BMPR1B: variants seen among roughly 807,000 people sequenced by gnomAD.
The protein encoded by BMPR1B is bone morphogenetic protein receptor type 1B.
Under a neutral mutation model 59.1 loss-of-function variants are expected in BMPR1B, and 12 were observed. The observed-to-expected ratio is 0.20, with a 90% CI of 0.13 to 0.33. The LOEUF (loss-of-function observed/expected upper bound fraction) is 0.33, where lower values mean the gene tolerates loss of function less well. Ranked by LOEUF, BMPR1B falls within the 10% of genes least tolerant of loss-of-function variation. BMPR1B has a pLI of 1.00. For synonymous variants in BMPR1B, 237 were observed against 207.3 expected (o/e 1.14, Z -1.23); for missense variants, 550 against 610.9 (o/e 0.90, Z 1.05).
In BMPR1B at chr4:95,131,422, C is replaced by T. The variant is rs1471363374; in HGVS notation, c.986C>T (p.Ala329Val). The part of the protein sequence containing the change: ...IFSTQGKPAI[A>V]HRDLKSKNIL... ...AGTACTCAAGGCAAACCAGCAATTG[C>T]CCATCGAGATCTGAAAAGTAAAAAC... Residue 329 changes from alanine to valine, a missense_variant, in exon 10 of 13, where the codon GCC becomes GTC. Physicochemically the swap from Ala to Val is moderately conservative, Grantham distance 64. Transcript: ENST00000515059. 1 of 1,614,026 alleles carries T rather than the reference C, an allele frequency of 6.2e-7. No homozygotes were observed. Among genetic ancestry groups the T allele is most frequent in the Non-Finnish European group, 8.5e-7 (1 of 1,179,990 alleles).
At chr4:94,880,265 G>T (rs886934194) in intron 2 of BMPR1B, among the ~76,000 whole-genome samples, 1 of 152,026 alleles carries the variant, frequency 6.6e-6, no homozygotes, top group African/African-American at 2.4e-5. Flanking sequence ...TAAATTCAAG[G>T]CAGAACAGCA....
intron 1 of BMPR1B, among the ~76,000 whole-genome samples, chr4:94,869,092 TCAAACACACA>T (rs1386296405): frequency 4.0e-5 from 4 of 100,222 alleles, no homozygotes; most frequent in Non-Finnish European, 7.5e-5. Flanking sequence ...AATTTTACTA[TCAAACACACA>T]CACACACACA....
intron 2 of BMPR1B, among the ~76,000 whole-genome samples, chr4:94,938,934 C>A (rs1729414618): frequency 6.6e-6 from 1 of 152,124 alleles, no homozygotes; most frequent in African/African-American, 2.4e-5. Flanking sequence ...TCACTTGAGC[C>A]CAGGAGTTCA....
chr4:94,846,845 C>CA (rs58369445), intron 1 of BMPR1B, among the ~76,000 whole-genome samples: 1,610 of 148,092 alleles, frequency 0.011, 25 homozygotes, highest in Admixed American at 0.043. Flanking sequence ...TGAAACTACT[C>CA]AAAAAAAAAA....
chr4:94,875,372 G>A (rs1030084048), intron 1 of BMPR1B, among the ~76,000 whole-genome samples: 5 of 152,104 alleles, frequency 3.3e-5, no homozygotes, highest in African/African-American at 1.2e-4. Context: ...TTTATTTTTA[G>A]TACATCTTTT....
Position 95,148,736 on chromosome 4 carries a change from C to T in BMPR1B, c.1077-12C>T, listed in dbSNP as rs1734822693. The T allele has an allele frequency of 6.2e-7, 1 of 1,613,394 alleles. No individual in the cohort carries two copies. The highest frequency in any genetic ancestry group is 1.7e-5 in the Admixed American group (1 of 59,964). ...TTCAATGCTGTAATGCTTTGCTTTA[C>T]TTTTTCCTTAGTGATACAAATGAAG... is the stretch of plus-strand genomic sequence containing the variant. On this transcript the variant is annotated splice_polypyrimidine_tract_variant and intron_variant, in intron 10 of 12. Transcript: ENST00000515059.
Position 95,024,952 on chromosome 4 carries a change from C to CT in BMPR1B, c.-18+28819dup, listed in dbSNP as rs143793779. ...CCTGTCTCTACTAAAAATACAAAAG[C>CT]TAGCTGGGCGTGGTGGTGCGTGCCT... On this transcript the variant is annotated intron_variant, in intron 3 of 12. Coordinates refer to ENST00000515059, the MANE Select transcript of BMPR1B (RefSeq NM_001203.3). Among the ~76,000 whole-genome samples the CT allele has an allele frequency of 9.3e-3, 1,419 of 151,970 alleles. 22 individuals carry two copies. The highest frequency in any genetic ancestry group is 0.033 in the African/African-American group (1,363 of 41,474).
At chr4:94,960,087 G>A (rs1436053101) in intron 2 of BMPR1B, among the ~76,000 whole-genome samples, 1 of 151,586 alleles carries the variant, frequency 6.6e-6, no homozygotes, top group Non-Finnish European at 1.5e-5. Context: ...TATCCGGGAT[G>A]CTTTTGTCTC....
chr4:94,865,762 G>A (rs1457855072), intron 1 of BMPR1B, among the ~76,000 whole-genome samples: 2 of 152,056 alleles, frequency 1.3e-5, no homozygotes, highest in Non-Finnish European at 1.5e-5. Flanking sequence ...TTCTAGCAAC[G>A]AATCCTCATT....
intron 2 of BMPR1B, among the ~76,000 whole-genome samples, chr4:94,983,712 T>G (rs962732733): frequency 1.3e-5 from 2 of 152,260 alleles, no homozygotes; most frequent in Non-Finnish European, 2.9e-5. Flanking sequence ...TAACGTCTCC[T>G]ATTTTAAGAA....
chr4:95,104,543 A>G lies in BMPR1B; in HGVS notation c.119A>G (p.Glu40Gly), dbSNP rs1381581400. ...LRCKCHHHCP[E>G]DSVNNICSTD... Reference sequence around the variant, plus strand: ...TGTAAATGCCACCACCATTGTCCAGAAGACTCAGTCAACAATATTTGCAGG... The same window carrying G: ...TGTAAATGCCACCACCATTGTCCAGGAGACTCAGTCAACAATATTTGCAGG... The change falls in exon 4 of 13, where the codon GAA (glutamate) becomes GGA (glycine). Residue 40 changes from glutamate to glycine, a missense_variant. Around this residue, in one of 6 missense-constraint regions of BMPR1B, gnomAD observed 22 missense variants for 66.1 expected, o/e 0.33. Transcript: ENST00000515059. 1 of 1,613,352 alleles carries G rather than the reference A, an allele frequency of 6.2e-7. No individual in the cohort carries two copies. Among genetic ancestry groups the G allele is most frequent in the African/African-American group, 1.3e-5 (1 of 74,852 alleles).
intron 1 of BMPR1B, among the ~76,000 whole-genome samples, chr4:94,850,508 G>A (rs867368344): frequency 5.9e-5 from 9 of 152,172 alleles, no homozygotes; most frequent in Middle Eastern, 3.2e-3. Context: ...TCTGCCAGTG[G>A]CAAGGTCACA....
At chr4:94,960,985 T>C (rs1252190846) in intron 2 of BMPR1B, among the ~76,000 whole-genome samples, 1 of 152,186 alleles carries the variant, frequency 6.6e-6, no homozygotes, top group African/African-American at 2.4e-5. Flanking sequence ...AGAAGTCACA[T>C]GTTAAGGCTG....
At chr4:94,848,471 A>G (rs13127197) in intron 1 of BMPR1B, among the ~76,000 whole-genome samples, 93,219 of 152,004 alleles carry the variant, frequency 0.61, 29,601 homozygotes, top group African/African-American at 0.78. Context: ...AATGTGCCCA[A>G]TGCGCTTGAA....
chr4:94,858,139 A>G (rs1006212172), intron 1 of BMPR1B, among the ~76,000 whole-genome samples: 3 of 151,448 alleles, frequency 2.0e-5, no homozygotes, highest in African/African-American at 7.3e-5. Flanking sequence ...TTTAGTAGAG[A>G]CAGGGTTTCA....
chr4:95,146,966 G>A (rs1053347218), intron 10 of BMPR1B, among the ~76,000 whole-genome samples: 2 of 152,120 alleles, frequency 1.3e-5, no homozygotes, highest in African/African-American at 4.8e-5. Flanking sequence ...ACCAATAAGT[G>A]CTGAGAATTA....
At chr4:94,888,432 G>C (rs139116208) in intron 2 of BMPR1B, among the ~76,000 whole-genome samples, 1 of 152,038 alleles carries the variant, frequency 6.6e-6, no homozygotes, top group Non-Finnish European at 1.5e-5. Context: ...TTCTACTGTA[G>C]GCAGATGTTA....
chr4:94,854,650 C>T, intron 1 of BMPR1B, among the ~76,000 whole-genome samples: 1 of 152,068 alleles, frequency 6.6e-6, no homozygotes, highest in East Asian at 1.9e-4. Flanking sequence ...CTCATGAGTC[C>T]AGCCATTCAT....
intron 3 of BMPR1B, among the ~76,000 whole-genome samples, chr4:94,997,771 A>G (rs1248545409): frequency 2.0e-5 from 3 of 152,176 alleles, no homozygotes; most frequent in South Asian, 4.1e-4. Context: ...AAGTTCATCA[A>G]TCAATTTTTA....
Sources: gnomAD v4.1 joint callset for allele counts (sites outside exome capture counted in the v4.1 genomes callset) on GRCh38, gnomAD v4.1.1 for gene constraint, gnomAD v4.1.1 regional missense constraint, MANE v1.5 for transcripts, NCBI Gene and HGNC (gene_info 2026-07-23, HGNC 2026-07-21) for gene names.